Variants in EPS15 observed in about 807,000 individuals in gnomAD.
EPS15 encodes the protein epidermal growth factor receptor substrate 15.
In EPS15, 72 loss-of-function variants were observed where a neutral mutation model predicts 113.8. That is an observed-to-expected ratio of 0.63 (90% CI 0.52 to 0.77). The LOEUF is 0.77. Ranked by LOEUF, EPS15 falls within the 30% of genes least tolerant of loss-of-function variation. The pLI is 0.00. For missense variants in EPS15, 1,048 were observed against 1,045.8 expected, an observed-to-expected ratio of 1.00 and a Z score of -0.03; for synonymous variants, 344 against 363.4, an observed-to-expected ratio of 0.95 and a Z score of 0.61.
rs575305737 is a variant in EPS15 at position 51,458,750 on chromosome 1, T to A, written c.561+2341A>T. 882 of 233,816 alleles carry A rather than the reference T, an allele frequency of 3.8e-3. 4 individuals are homozygous for A. The highest frequency in any genetic ancestry group is 0.018 in the African/African-American group (767 of 41,854). The allele number at this position is 233,816 out of a possible 1,614,324, so 14.5% of individuals were successfully genotyped here. A position where few individuals can be genotyped will look rare whatever the true frequency, so the allele number is the denominator to read the frequency against. On this transcript the variant is annotated intron_variant, in intron 8 of 24. Transcript: ENST00000371733. ...AGACTCCGTCTAAAAAAAAAAAAAATTTGTCTTTATGAGAAAAAAAATCCC... is the reference window on the plus strand; with the variant it reads ...AGACTCCGTCTAAAAAAAAAAAAAAATTGTCTTTATGAGAAAAAAAATCCC...
chr1:51,409,798 G>A (rs1245492994), intron 13 of EPS15, 102 bp from the exon 14 acceptor site: 1 of 761,788 alleles, frequency 1.3e-6, no homozygotes, highest in Non-Finnish European at 2.2e-6. Flanking sequence ...GTCTTACTGA[G>A]TATACTGTGT....
chr1:51,437,253 T>C (rs1012236921), intron 12 of EPS15, among the ~76,000 whole-genome samples: 3 of 152,154 alleles, frequency 2.0e-5, no homozygotes, highest in Non-Finnish European at 4.4e-5. Flanking sequence ...CTCAAGTTTA[T>C]ATATAGCTTT....
At chr1:51,465,723 G>A (rs1654798179) in intron 5 of EPS15, among the ~76,000 whole-genome samples, 1 of 151,856 alleles carries the variant, frequency 6.6e-6, no homozygotes, top group African/African-American at 2.4e-5. Flanking sequence ...AGTTGAGATG[G>A]GATTTCACCA....
chr1:51,396,806 GTATT>G (rs1405217553), intron 20 of EPS15, among the ~76,000 whole-genome samples: 7 of 151,942 alleles, frequency 4.6e-5, no homozygotes, highest in Non-Finnish European at 1.0e-4. Context: ...TTTCCAGATT[GTATT>G]GGTGAAAATC....
At chr1:51,386,949 G>C in intron 21 of EPS15, among the ~76,000 whole-genome samples, 1 of 151,602 alleles carries the variant, frequency 6.6e-6, no homozygotes, top group African/African-American at 2.4e-5. Context: ...CCAACATTCA[G>C]ATTCAGGAAA....
In EPS15 at chr1:51,356,800, TCA is replaced by T; in HGVS notation, c.2589_2590del (p.Ser863ArgfsTer29). ...GGCAAGCCTCTGCTCTTCCTCTCTCTCACTTTCCCTCTTGGCCCATTCGATCA... is the reference window on the plus strand; with the variant it reads ...GGCAAGCCTCTGCTCTTCCTCTCTCTCTTTCCCTCTTGGCCCATTCGATCA... On this transcript the variant is annotated frameshift_variant, in exon 25 of 25. Coordinates refer to ENST00000371733, the MANE Select transcript of EPS15 (RefSeq NM_001981.3). LOFTEE classifies it high-confidence loss of function. 1.2e-6 allele frequency: 2 copies of T among 1,613,846 alleles called. No individual in the cohort carries two copies. Among genetic ancestry groups the T allele is most frequent in the South Asian group, 2.2e-5 (2 of 91,070 alleles).
At chr1:51,360,881 A>G (rs1388833099) in intron 24 of EPS15, among the ~76,000 whole-genome samples, 1 of 152,134 alleles carries the variant, frequency 6.6e-6, no homozygotes, top group African/African-American at 2.4e-5. Flanking sequence ...CCATCCACAA[A>G]ATAATAACTG....
intron 18 of EPS15, 143 bp from the exon 19 acceptor site, chr1:51,401,096 A>T: frequency 1.8e-6 from 1 of 545,656 alleles, no homozygotes; most frequent in Non-Finnish European, 3.3e-6. Context: ...AAGGAATGTC[A>T]TTGACCTTAT....
chr1:51,389,821 C>T (rs1413183580), intron 21 of EPS15, among the ~76,000 whole-genome samples: 1 of 152,126 alleles, frequency 6.6e-6, no homozygotes, highest in East Asian at 1.9e-4. Context: ...AAAGAGGATA[C>T]AAACAAATGG....
Position 51,406,118 on chromosome 1 carries a change from C to T in EPS15, c.1474-10G>A. 1.2e-6 allele frequency: 2 copies of T among 1,609,542 alleles called. No individual in the cohort carries two copies. Among genetic ancestry groups the T allele is most frequent in the Non-Finnish European group, 1.7e-6 (2 of 1,177,350 alleles). ...TCAGTTTCATTTGCATCTGCCAACACAAAGAAGAAATATAGAACAGAATTT... is the reference window on the plus strand; with the variant it reads ...TCAGTTTCATTTGCATCTGCCAACATAAAGAAGAAATATAGAACAGAATTT... On this transcript the variant is annotated splice_polypyrimidine_tract_variant and intron_variant, in intron 15 of 24. Coordinates refer to ENST00000371733, the MANE Select transcript of EPS15 (RefSeq NM_001981.3).
At chr1:51,425,829 T>C (rs1188065256) in intron 12 of EPS15, among the ~76,000 whole-genome samples, 3 of 152,236 alleles carry the variant, frequency 2.0e-5, no homozygotes, top group Non-Finnish European at 4.4e-5. Flanking sequence ...GTAATTAATA[T>C]TGAGCCTAAA....
chr1:51,408,797 A>ATTTTTT (rs34612487), intron 14 of EPS15, among the ~76,000 whole-genome samples: 1 of 109,598 alleles, frequency 9.1e-6, no homozygotes, highest in Admixed American at 9.8e-5. Context: ...CTGGCTTTCA[A>ATTTTTT]TTTTTTTTTT....
At chr1:51,503,998 T>C (rs1317562676) in intron 1 of EPS15, among the ~76,000 whole-genome samples, 1 of 152,132 alleles carries the variant, frequency 6.6e-6, no homozygotes, top group Non-Finnish European at 1.5e-5. Context: ...TATAAAACTC[T>C]TAAAAGAAAA....
chr1:51,399,533 A>G (rs952474534), intron 19 of EPS15, among the ~76,000 whole-genome samples: 2 of 150,244 alleles, frequency 1.3e-5, no homozygotes, highest in Non-Finnish European at 3.0e-5. Flanking sequence ...CCTGGGTGAC[A>G]GTGAGACCCT....
chr1:51,393,044 A>T (rs2405700), intron 21 of EPS15, among the ~76,000 whole-genome samples: 1 of 152,014 alleles, frequency 6.6e-6, no homozygotes, highest in Admixed American at 6.6e-5. Context: ...CTAAGTTTCT[A>T]TTTAAATCAA....
At chr1:51,475,501 C>T (rs1171906344) in intron 2 of EPS15, among the ~76,000 whole-genome samples, 1 of 152,086 alleles carries the variant, frequency 6.6e-6, no homozygotes, top group African/African-American at 2.4e-5. Flanking sequence ...CTGTTCATAT[C>T]CTTCGCCTAC....
intron 8 of EPS15, among the ~76,000 whole-genome samples, chr1:51,449,972 A>G (rs181079177): frequency 6.6e-6 from 1 of 151,982 alleles, no homozygotes; most frequent in Admixed American, 6.5e-5. Context: ...AAGATTCAGT[A>G]GGAAAATTAC....
chr1:51,499,734 C>T (rs959091563), intron 1 of EPS15, among the ~76,000 whole-genome samples: 25 of 152,028 alleles, frequency 1.6e-4, no homozygotes, highest in Admixed American at 9.8e-4. Flanking sequence ...TGGCAATTTG[C>T]ATATCTTCTT....
At chr1:51,377,502 T>A (rs986224940) in intron 21 of EPS15, among the ~76,000 whole-genome samples, 5 of 151,956 alleles carry the variant, frequency 3.3e-5, no homozygotes, top group Non-Finnish European at 7.4e-5. Context: ...CAAAGAGGAG[T>A]TGCCTCTACA....
Sources: allele counts gnomAD v4.1 joint callset (sites outside exome capture counted in the v4.1 genomes callset), GRCh38; gene constraint gnomAD v4.1.1; transcripts MANE v1.5; gene names NCBI Gene and HGNC (gene_info 2026-07-23, HGNC 2026-07-21).